Variants in MOXD1 observed in about 807,000 individuals in gnomAD.
MOXD1 encodes the protein DBH-like monooxygenase protein 1.
A neutral mutation model predicts 66.6 loss-of-function variants in MOXD1; 62 were observed. That is an observed-to-expected ratio of 0.93 (90% CI 0.76 to 1.15). The LOEUF is 1.15. Ranked by LOEUF, MOXD1 falls within the 50% of genes most tolerant of loss-of-function variation. The probability of loss-of-function intolerance (pLI) is 0.00; values close to 1 mark genes in which losing one functional copy is unlikely to be tolerated. For missense variants in MOXD1, 847 were observed against 754.6 expected (o/e 1.12, Z -1.44); for synonymous variants, 303 against 281.9 (o/e 1.07, Z -0.75).
chr6:132,315,985 T>G (rs1774942262), intron 9 of MOXD1, among the ~76,000 whole-genome samples: 1 of 152,148 alleles, frequency 6.6e-6, no homozygotes, highest in Non-Finnish European at 1.5e-5. Context: ...TTGCCTTTCT[T>G]AAATAACCTA....
At chr6:132,398,900 T>C (rs1327987232) in intron 1 of MOXD1, among the ~76,000 whole-genome samples, 5 of 130,658 alleles carry the variant, frequency 3.8e-5, no homozygotes, top group African/African-American at 6.1e-5. Flanking sequence ...ATTGCACCAG[T>C]GCAATCTAGC....
At chr6:132,392,638 C>T (rs976783530) in intron 1 of MOXD1, among the ~76,000 whole-genome samples, 23 of 152,198 alleles carry the variant, frequency 1.5e-4, no homozygotes, top group African/African-American at 4.3e-4. Context: ...GAGATGGCTT[C>T]CCACCTCACC....
chr6:132,303,737 T>TCACACACACACACACG (rs1562276236), intron 10 of MOXD1, among the ~76,000 whole-genome samples: 5 of 66,802 alleles, frequency 7.5e-5, no homozygotes, highest in African/African-American at 4.4e-4. Flanking sequence ...ACACACACAT[T>TCACACACACACACACG]TATTTATACA....
At chr6:132,393,412 G>A (rs1776809310) in intron 1 of MOXD1, among the ~76,000 whole-genome samples, 1 of 152,222 alleles carries the variant, frequency 6.6e-6, no homozygotes, top group African/African-American at 2.4e-5. Context: ...AGCACTGAAA[G>A]CAAGGAAGGA....
At chr6:132,317,540 A>G (rs775086298) in intron 9 of MOXD1, among the ~76,000 whole-genome samples, 3 of 152,158 alleles carry the variant, frequency 2.0e-5, no homozygotes, top group Non-Finnish European at 4.4e-5. Flanking sequence ...TTCTAATACC[A>G]AGGGGAATGT....
At position 132,340,645 on chromosome 6, in the gene MOXD1, T is replaced by C. The variant is rs1481338818; in HGVS notation, c.664-12051A>G. Among the ~76,000 whole-genome samples the C allele has an allele frequency of 1.7e-3, 218 of 131,908 alleles. 11 individuals are homozygous for C. The highest frequency in any genetic ancestry group is 6.4e-3 in the African/African-American group (211 of 32,860). 86.5% of individuals were successfully genotyped at this position (131,908 alleles called of 152,430 possible). A position where few individuals can be genotyped will look rare whatever the true frequency, so the allele number is the denominator to read the frequency against. ...GCTAAAACAACAAGACTCATTTTTT[T>C]TTTTTTTTTTTTTTTTTTTGAGCCG... On this transcript the variant is annotated intron_variant, in intron 4 of 11. Transcript: ENST00000367963.
At chr6:132,350,680 C>T (rs553864098) in intron 4 of MOXD1, among the ~76,000 whole-genome samples, 23 of 152,050 alleles carry the variant, frequency 1.5e-4, no homozygotes, top group African/African-American at 4.8e-4. Flanking sequence ...GGTATTTTGA[C>T]GGGGACTGAA....
chr6:132,311,210 G>A (rs532945340), intron 10 of MOXD1, among the ~76,000 whole-genome samples: 1 of 152,126 alleles, frequency 6.6e-6, no homozygotes, highest in South Asian at 2.1e-4. Flanking sequence ...AGAACTTGAG[G>A]CATAAGGCAC....
intron 1 of MOXD1, among the ~76,000 whole-genome samples, chr6:132,397,671 A>C (rs1776921891): frequency 7.0e-6 from 1 of 141,848 alleles, no homozygotes; most frequent in Non-Finnish European, 1.6e-5. Flanking sequence ...AGAAAGAAAG[A>C]AAGAAAGAAA....
intron 10 of MOXD1, among the ~76,000 whole-genome samples, chr6:132,310,504 C>T (rs2114545543): frequency 6.6e-6 from 1 of 152,158 alleles, no homozygotes; most frequent in African/African-American, 2.4e-5. Context: ...TGGTATATAC[C>T]CAAAAGAATA....
At chr6:132,342,072 G>C (rs1018601058) in intron 4 of MOXD1, among the ~76,000 whole-genome samples, 1 of 151,514 alleles carries the variant, frequency 6.6e-6, no homozygotes, top group Non-Finnish European at 1.5e-5. Context: ...GTGTGATCTC[G>C]GCTCACTGCA....
chr6:132,359,164 G>A (rs912465234), intron 4 of MOXD1, among the ~76,000 whole-genome samples: 1 of 150,768 alleles, frequency 6.6e-6, no homozygotes, highest in Non-Finnish European at 1.5e-5. Context: ...CTGTCTCCCA[G>A]ACTGGAGTGC....
At chr6:132,382,143 T>C (rs1053700304) in intron 1 of MOXD1, among the ~76,000 whole-genome samples, 1 of 152,098 alleles carries the variant, frequency 6.6e-6, no homozygotes, top group Non-Finnish European at 1.5e-5. Context: ...TAACATATCA[T>C]ATACACATAT....
chr6:132,382,095 C>T (rs1370830302), intron 1 of MOXD1, among the ~76,000 whole-genome samples: 2 of 152,040 alleles, frequency 1.3e-5, no homozygotes, highest in African/African-American at 4.8e-5. Context: ...CCTGATATCA[C>T]AGTCATTATA....
intron 1 of MOXD1, among the ~76,000 whole-genome samples, chr6:132,382,677 T>G (rs941435587): frequency 1.3e-5 from 2 of 152,180 alleles, no homozygotes; most frequent in African/African-American, 2.4e-5. Context: ...TTTTGAACAC[T>G]TCGTGCTTTG....
chr6:132,322,628 T>C (rs1228616979), intron 8 of MOXD1, 51 bp downstream of exon 8: 8 of 1,552,384 alleles, frequency 5.2e-6, no homozygotes, highest in East Asian at 2.2e-5. Context: ...TCAGCAGATA[T>C]GTCTCATGAC....
At chr6:132,388,650 A>T (rs544425482) in intron 1 of MOXD1, among the ~76,000 whole-genome samples, 1 of 151,506 alleles carries the variant, frequency 6.6e-6, no homozygotes, top group South Asian at 2.1e-4. Flanking sequence ...AAGGGAAGGG[A>T]TATCTATTTA....
intron 10 of MOXD1, among the ~76,000 whole-genome samples, chr6:132,313,957 A>G (rs985467733): frequency 3.9e-5 from 6 of 152,178 alleles, no homozygotes; most frequent in Admixed American, 2.6e-4. Context: ...CTCTATGTGT[A>G]TATTTTCTCT....
chr6:132,363,113 T>C (rs941691031), intron 4 of MOXD1, among the ~76,000 whole-genome samples: 6 of 152,118 alleles, frequency 3.9e-5, no homozygotes, highest in African/African-American at 7.2e-5. Flanking sequence ...CCTGTGTCTA[T>C]GCATTAATTC....
Sources: gnomAD v4.1 joint callset for allele counts (sites outside exome capture counted in the v4.1 genomes callset) on GRCh38, gnomAD v4.1.1 for gene constraint, MANE v1.5 for transcripts, NCBI Gene and HGNC (gene_info 2026-07-23, HGNC 2026-07-21) for gene names.